Variants in SHPRH observed in about 807,000 individuals in gnomAD.
SHPRH encodes E3 ubiquitin-protein ligase SHPRH.
A neutral mutation model predicts 202.5 loss-of-function variants in SHPRH; 106 were observed. The ratio of observed to expected loss-of-function variants is 0.52; its 90% CI spans 0.45 to 0.62. The LOEUF (loss-of-function observed/expected upper bound fraction) is 0.62, where lower values mean the gene tolerates loss of function less well. SHPRH is among the 20% of genes least tolerant of loss of function. SHPRH has a pLI of 0.00. For synonymous variants in SHPRH, 729 were observed against 686.0 expected, an observed-to-expected ratio of 1.06 and a Z score of -0.98; for missense variants, 1,710 against 2,020.0, an observed-to-expected ratio of 0.85 and a Z score of 2.94.
At chr6:145,934,758 T>TG in intron 13 of SHPRH, 149 bp downstream of exon 13, 1 of 680,554 alleles carries the variant, frequency 1.5e-6, no homozygotes, top group Non-Finnish European at 2.4e-6. Flanking sequence ...AATTCTCCGT[T>TG]GCAAATGAGC....
chr6:145,864,909 G>C (rs1779702605), intron 2 of SHPRH, among the ~76,000 whole-genome samples: 1 of 150,030 alleles, frequency 6.7e-6, no homozygotes, highest in Non-Finnish European at 1.5e-5. Flanking sequence ...CTAGTAATTT[G>C]AAACTATCAA....
chr6:145,951,602 C>A (rs1787984741), intron 3 of SHPRH, among the ~76,000 whole-genome samples: 1 of 152,108 alleles, frequency 6.6e-6, no homozygotes, highest in African/African-American at 2.4e-5. Context: ...AAATTCATTC[C>A]TTCTAATCCC....
intron 14 of SHPRH, among the ~76,000 whole-genome samples, chr6:145,932,035 G>C (rs1422344100): frequency 1.3e-5 from 2 of 151,348 alleles, no homozygotes; most frequent in African/African-American, 4.9e-5. Context: ...TCTATACTTT[G>C]ACTTTATTGA....
intron 3 of SHPRH, among the ~76,000 whole-genome samples, chr6:145,950,733 CTG>C (rs1312176993): frequency 1.3e-5 from 2 of 151,038 alleles, no homozygotes; most frequent in East Asian, 3.9e-4. Context: ...ATGTTCTCCT[CTG>C]TGGATACAGT....
chr6:145,880,659 GA>G (rs533432871), downstream of SHPRH, among the ~76,000 whole-genome samples: 898 of 150,492 alleles, frequency 6.0e-3, 11 homozygotes, highest in African/African-American at 0.02. Flanking sequence ...GAAAAGGAAA[GA>G]AAAAAACTTT....
chr6:145,866,636 G>GT (rs534915984), intron 2 of SHPRH, among the ~76,000 whole-genome samples: 70 of 152,310 alleles, frequency 4.6e-4, no homozygotes, highest in Admixed American at 4.6e-3. Flanking sequence ...GAGGGTTCAT[G>GT]TCAGGTGGCA....
chr6:145,933,345 G>A (rs954237718), intron 13 of SHPRH, 167 bp from the exon 14 acceptor site: 4 of 948,378 alleles, frequency 4.2e-6, no homozygotes, highest in Non-Finnish European at 6.1e-6. Flanking sequence ...TCCCACATAA[G>A]TACCTTTATT....
downstream of SHPRH, among the ~76,000 whole-genome samples, chr6:145,861,123 A>G (rs1056597014): frequency 1.3e-5 from 2 of 152,182 alleles, no homozygotes; most frequent in African/African-American, 4.8e-5. Context: ...CAAAAAATAA[A>G]CAAGTAGGAT....
intron 16 of SHPRH, among the ~76,000 whole-genome samples, chr6:145,925,548 T>C (rs1784802534): frequency 6.6e-6 from 1 of 151,900 alleles, no homozygotes; most frequent in Admixed American, 6.6e-5. Flanking sequence ...TGCTTATTTA[T>C]ATAATCTCAT....
At chr6:145,871,232 A>G (rs199500454) in intron 2 of SHPRH, 1 of 152,192 alleles carries the variant, frequency 6.6e-6, no homozygotes, top group South Asian at 2.1e-4. Context: ...AAAAAAATGA[A>G]GAGTATTTAA....
At chr6:145,953,942 T>C (rs1284080754) in intron 2 of SHPRH, among the ~76,000 whole-genome samples, 1 of 151,508 alleles carries the variant, frequency 6.6e-6, no homozygotes, top group East Asian at 1.9e-4. Flanking sequence ...AAAGGCTTCA[T>C]AGTTTAGCAG....
At chr6:145,962,590 A>G (rs1789207891) in intron 1 of SHPRH, among the ~76,000 whole-genome samples, 1 of 152,252 alleles carries the variant, frequency 6.6e-6, no homozygotes, top group South Asian at 2.1e-4. Context: ...AAGACAATCC[A>G]ACAAATGAAT....
chr6:145,941,311 T>A (rs1420966548), intron 10 of SHPRH, among the ~76,000 whole-genome samples: 2 of 152,190 alleles, frequency 1.3e-5, no homozygotes, highest in East Asian at 3.9e-4. Context: ...CACGATGAGC[T>A]CCCAGTTAGC....
chr6:145,946,213 T>G lies in SHPRH; in HGVS notation c.1321+20A>C. 1 of 1,574,262 alleles carries G rather than the reference T, an allele frequency of 6.4e-7. No individual in the cohort carries two copies. The highest frequency in any genetic ancestry group is 8.7e-7 in the Non-Finnish European group (1 of 1,151,300). On this transcript the variant is annotated intron_variant, in intron 7 of 29. Coordinates refer to ENST00000275233, the MANE Select transcript of SHPRH (RefSeq NM_001042683.3). ...AGATCACTATAAGAAGGTATTTCCT[T>G]TAAGAGATGTCTTACTTACGAGGGC... is the stretch of plus-strand genomic sequence containing the variant.
Position 145,886,431 on chromosome 6 carries a change from G to T in SHPRH, c.*260C>A. ...CTCTCTTAATTCCCTTGCATCATCA[G>T]ATATAGATACTATTTGGGACAAAAA... On this transcript the variant is annotated 3_prime_UTR_variant, in exon 30 of 30. Transcript: ENST00000275233. 1 of 778,862 alleles carries T rather than the reference G, an allele frequency of 1.3e-6. No homozygotes were observed. The highest frequency in any genetic ancestry group is 2.3e-6 in the Non-Finnish European group (1 of 427,340). The allele number at this position is 778,862 out of a possible 1,614,324, so 48.2% of individuals were successfully genotyped here. A position where few individuals can be genotyped will look rare whatever the true frequency, so the allele number is the denominator to read the frequency against.
At chr6:145,867,625 T>TAG (rs1207602984) in intron 2 of SHPRH, among the ~76,000 whole-genome samples, 65 of 63,396 alleles carry the variant, frequency 1.0e-3, no homozygotes, top group African/African-American at 1.5e-3. Flanking sequence ...TATATATATA[T>TAG]ATATATAGAG....
intron 2 of SHPRH, among the ~76,000 whole-genome samples, chr6:145,953,225 C>T (rs1461473653): frequency 1.3e-5 from 2 of 152,032 alleles, no homozygotes; most frequent in Non-Finnish European, 2.9e-5. Flanking sequence ...TCTTTCACTA[C>T]AGAACAGGAA....
intron 21 of SHPRH, 129 bp downstream of exon 21, chr6:145,921,038 A>C (rs895243823): frequency 1.4e-5 from 10 of 719,146 alleles, no homozygotes; most frequent in Non-Finnish European, 2.2e-5. Context: ...ATTTCAGGCA[A>C]AGAGAAATTA....
intron 3 of SHPRH, among the ~76,000 whole-genome samples, chr6:145,951,083 C>G (rs762646185): frequency 6.9e-4 from 105 of 152,150 alleles, no homozygotes; most frequent in Middle Eastern, 3.4e-3. Context: ...TAGCAGCCAA[C>G]TGGAAGACAA....
Sources: allele counts gnomAD v4.1 joint callset (sites outside exome capture counted in the v4.1 genomes callset), GRCh38; gene constraint gnomAD v4.1.1; transcripts MANE v1.5; gene names NCBI Gene and HGNC (gene_info 2026-07-23, HGNC 2026-07-21).